Variants in OSMR observed in about 807,000 individuals in gnomAD.
OSMR encodes oncostatin M receptor.
Under a neutral mutation model 99.9 loss-of-function variants are expected in OSMR, and 81 were observed. The ratio of observed to expected loss-of-function variants is 0.81; its 90% CI spans 0.68 to 0.97. OSMR has a LOEUF of 0.97. Among genes scored for constraint, OSMR ranks in the 50% least tolerant of loss-of-function variants. OSMR has a pLI of 0.00. For synonymous variants in OSMR, 406 were observed against 410.4 expected (o/e 0.99, Z 0.13); for missense variants, 1,099 against 1,153.4 (o/e 0.95, Z 0.68).
intron 3 of OSMR, among the ~76,000 whole-genome samples, chr5:38,880,103 AATGCCCCCTGGGTGGACCAGG>A (rs1299541142): frequency 6.6e-6 from 1 of 152,142 alleles, no homozygotes; most frequent in African/African-American, 2.4e-5. Context: ...CCCACAATTA[AATGCCCCCTGGGTGGACCAGG>A]ATGTTTTCAG....
chr5:38,936,264 TATC>T (rs1232975905), downstream of OSMR, among the ~76,000 whole-genome samples: 2 of 152,232 alleles, frequency 1.3e-5, no homozygotes, highest in South Asian at 2.1e-4. Context: ...CAAATCATGA[TATC>T]ATGATTTCAT....
chr5:38,907,566 G>A (rs546210414), intron 9 of OSMR, among the ~76,000 whole-genome samples: 3 of 152,302 alleles, frequency 2.0e-5, no homozygotes, highest in African/African-American at 7.2e-5. Context: ...CAATCTGAGT[G>A]ATCCCCTGTC....
intron 15 of OSMR, among the ~76,000 whole-genome samples, chr5:38,931,081 T>C (rs1328602523): frequency 1.3e-5 from 2 of 152,094 alleles, no homozygotes; most frequent in Non-Finnish European, 2.9e-5. Context: ...ACATTTTGGT[T>C]CTAACAGATT....
intron 9 of OSMR, among the ~76,000 whole-genome samples, chr5:38,913,414 G>T (rs1165820888): frequency 1.3e-5 from 2 of 152,044 alleles, no homozygotes; most frequent in Non-Finnish European, 2.9e-5. Flanking sequence ...GCCAGGCGTG[G>T]TGGTGGCTGC....
At chr5:38,903,655 C>G in intron 7 of OSMR, 4 of 478,092 alleles carry the variant, frequency 8.4e-6, no homozygotes, top group Non-Finnish European at 1.1e-5. Context: ...TAAGAGTCCT[C>G]AAGTAGTTTC....
chr5:38,901,501 A>G (rs1744888716), intron 7 of OSMR, among the ~76,000 whole-genome samples: 1 of 152,126 alleles, frequency 6.6e-6, no homozygotes, highest in African/African-American at 2.4e-5. Flanking sequence ...TGGGCATTTC[A>G]TGTTGTAGTG....
intron 2 of OSMR, chr5:38,944,646 A>C (rs1228784888): frequency 1.6e-6 from 2 of 1,285,658 alleles, no homozygotes; most frequent in East Asian, 4.7e-5. Context: ...ATTTATTTTT[A>C]AACTTCACCT....
chr5:38,877,657 C>G lies in OSMR; in HGVS notation c.246+1284C>G, dbSNP rs531537035. Among the ~76,000 whole-genome samples, 208 of 152,200 alleles carry G rather than the reference C, an allele frequency of 1.4e-3. 2 individuals carry two copies. Among genetic ancestry groups the G allele is most frequent in the South Asian group, 8.1e-3 (39 of 4,828 alleles). On this transcript the variant is annotated intron_variant, in intron 3 of 17. Coordinates refer to ENST00000274276, the MANE Select transcript of OSMR (RefSeq NM_003999.3). ...AGGTCATATTGAGACTAAGGATTATCTACAAAAAGAAAAATTGAGGTGGAA... is the reference window on the plus strand; with the variant it reads ...AGGTCATATTGAGACTAAGGATTATGTACAAAAAGAAAAATTGAGGTGGAA...
At chr5:38,874,983 T>C (rs1283230858) in intron 2 of OSMR, among the ~76,000 whole-genome samples, 1 of 152,182 alleles carries the variant, frequency 6.6e-6, no homozygotes, top group Non-Finnish European at 1.5e-5. Context: ...GAATGGCAAT[T>C]TGGGGACATT....
At chr5:38,866,331 C>T (rs1432329808) in intron 1 of OSMR, among the ~76,000 whole-genome samples, 2 of 152,100 alleles carry the variant, frequency 1.3e-5, no homozygotes, top group Admixed American at 6.5e-5. Context: ...GTGGACTGGT[C>T]CCCAGCCCCC....
At chr5:38,919,238 C>T (rs1746106233) in intron 11 of OSMR, 176 bp downstream of exon 11, 1 of 1,524,928 alleles carries the variant, frequency 6.6e-7, no homozygotes, top group Admixed American at 2.0e-5. Flanking sequence ...GGACAGTCCC[C>T]TCAGTGTGGG....
rs1309008931 is a variant in OSMR, at chr5:38,865,680, C to CA, written c.-13-3352_-13-3351insA. On this transcript the variant is annotated intron_variant, in intron 1 of 17. Coordinates refer to ENST00000274276, the MANE Select transcript of OSMR (RefSeq NM_003999.3). ...AGTCCTTGGGCCCCCACATGCCCACCTGATGTACATAAGCACCAGTGGTAG... is the reference window on the plus strand; with the variant it reads ...AGTCCTTGGGCCCCCACATGCCCACCATGATGTACATAAGCACCAGTGGTAG... Among the ~76,000 whole-genome samples the CA allele has an allele frequency of 6.6e-5, 10 of 152,222 alleles. No homozygotes were observed. In the East Asian group the frequency reaches 1.9e-3, roughly 29 times the overall value.
chr5:38,882,779 TTAAAG>T (rs1316466610), intron 4 of OSMR, among the ~76,000 whole-genome samples: 3 of 152,262 alleles, frequency 2.0e-5, no homozygotes. Flanking sequence ...TAGTCACTTT[TTAAAG>T]TACTATACAT....
Position 38,886,061 on chromosome 5 carries a change from T to C in OSMR, c.862T>C (p.Cys288Arg). Residue 288 changes from cysteine to arginine, a missense_variant, in exon 7 of 18, where the codon TGT becomes CGT. By Grantham distance (180) the Cys-to-Arg change is radical. Transcript: ENST00000274276. ...FESFSGEKKL[C>R]THKNWCNWQI... ...AAGATTTTCTGGGGAAAAGAAACTT[T>C]GTACACACAAAAACTGGTGTAATTG... 6.2e-7 allele frequency: 1 copy of C among 1,613,744 alleles called. No individual in the cohort carries two copies. The highest frequency in any genetic ancestry group is 1.1e-5 in the South Asian group (1 of 90,908).
chr5:38,877,613 C>T (rs946582883), intron 3 of OSMR, among the ~76,000 whole-genome samples: 3 of 151,952 alleles, frequency 2.0e-5, no homozygotes, highest in African/African-American at 2.4e-5. Context: ...AATTTGGGCC[C>T]GGTAAAACAT....
chr5:38,890,830 A>G (rs907715508), intron 7 of OSMR, among the ~76,000 whole-genome samples: 1 of 152,196 alleles, frequency 6.6e-6, no homozygotes, highest in African/African-American at 2.4e-5. Flanking sequence ...GGTACCGAGA[A>G]AAACAAGCCT....
rs769767253 is a variant in OSMR at position 38,932,546 on chromosome 5, G to A, written c.2367+11G>A. The stretch of plus-strand genomic sequence containing the variant: ...TTAATAAAATTCAAGGTAAATGTTG[G>A]CAAATTGTATGTATACCATATACCT... On this transcript the variant is annotated intron_variant, in intron 17 of 17. Coordinates refer to ENST00000274276, the MANE Select transcript of OSMR (RefSeq NM_003999.3). The A allele has an allele frequency of 2.4e-5, 39 of 1,609,996 alleles. No homozygotes were observed. Among genetic ancestry groups the A allele is most frequent in the Non-Finnish European group, 3.3e-5 (39 of 1,176,432 alleles).
chr5:38,869,160 A>G, intron 2 of OSMR, 43 bp downstream of exon 2: 1 of 1,394,554 alleles, frequency 7.2e-7, no homozygotes, highest in Non-Finnish European at 1.0e-6. Context: ...TCACGTCGGG[A>G]ACAAATGAAG....
At chr5:38,900,650 G>A (rs890535708) in intron 7 of OSMR, among the ~76,000 whole-genome samples, 4 of 152,170 alleles carry the variant, frequency 2.6e-5, no homozygotes, top group South Asian at 2.1e-4. Context: ...ACAATGAGAA[G>A]GATTACATAA....
Sources: allele counts gnomAD v4.1 joint callset (sites outside exome capture counted in the v4.1 genomes callset), GRCh38; gene constraint gnomAD v4.1.1; transcripts MANE v1.5; gene names NCBI Gene and HGNC (gene_info 2026-07-23, HGNC 2026-07-21).